Variants in HNRNPK observed in about 807,000 individuals in gnomAD.
HNRNPK encodes heterogeneous nuclear ribonucleoprotein K.
Under a neutral mutation model 67.0 loss-of-function variants are expected in HNRNPK, and 7 were observed. The observed-to-expected ratio is 0.10, with a 90% confidence interval of 0.06 to 0.20. The LOEUF is 0.20. HNRNPK is among the 10% of genes least tolerant of loss of function. The probability of loss-of-function intolerance (pLI) is 1.00; values close to 1 mark genes in which losing one functional copy is unlikely to be tolerated. For missense variants in HNRNPK, 264 were observed against 606.5 expected (o/e 0.44, Z 5.93); for synonymous variants, 213 against 193.7 (o/e 1.10, Z -0.83).
intron 16 of HNRNPK, 153 bp from the exon 17 acceptor site, chr9:83,969,593 AATGTT>A: frequency 3.1e-6 from 2 of 639,036 alleles, no homozygotes; most frequent in Non-Finnish European, 2.8e-6. Flanking sequence ...AAATTAAAGC[AATGTT>A]AAGTGTCAAG....
At chr9:83,970,133 A>C in intron 16 of HNRNPK, 29 bp downstream of exon 16, 2 of 1,579,808 alleles carry the variant, frequency 1.3e-6, no homozygotes, top group Non-Finnish European at 1.7e-6. Flanking sequence ...AGTATGTATA[A>C]GCTAACACAA....
At chr9:83,972,248 A>C in intron 10 of HNRNPK, 59 bp from the exon 11 acceptor site, 2 of 1,256,374 alleles carry the variant, frequency 1.6e-6, no homozygotes, top group Non-Finnish European at 2.2e-6. Context: ...GCTTCATACC[A>C]ATCCTTCTAA....
chr9:83,979,839 AAG>A (rs1468122566), intron 1 of HNRNPK, among the ~76,000 whole-genome samples: 7 of 152,080 alleles, frequency 4.6e-5, no homozygotes, highest in African/African-American at 1.7e-4. Flanking sequence ...GGCTCACACA[AAG>A]AGAGCGGCGG....
At chr9:83,980,457 C>T (rs944143400), upstream of HNRNPK, 9 of 152,774 alleles carry the variant, frequency 5.9e-5, no homozygotes, top group Non-Finnish European at 8.8e-5. Flanking sequence ...GGAGCCCCAA[C>T]CCTTACCCGA....
rs1957137452 is a variant in HNRNPK, at chr9:83,977,779, G to A, written c.66C>T (p.Arg22=). 5 of 1,595,648 alleles carry A rather than the reference G, an allele frequency of 3.1e-6. No homozygotes were observed. Among genetic ancestry groups the A allele is most frequent in the Non-Finnish European group, 4.3e-6 (5 of 1,164,864 alleles). Residue 22 remains arginine, a synonymous_variant, in exon 4 of 17, where the codon CGC becomes CGT. Transcript: ENST00000376263. Reference sequence around the variant, plus strand: ...GTTCCTCTTCCATATCTTCTGCAGGGCGTTTACCTAAAAATTAACAGTTCA... The same window carrying A: ...GTTCCTCTTCCATATCTTCTGCAGGACGTTTACCTAAAAATTAACAGTTCA... ...NTETNGEFGK[R]PAEDMEEEQA...
chr9:83,969,701 G>A (rs1224712438), intron 16 of HNRNPK: 5 of 614,488 alleles, frequency 8.1e-6, no homozygotes, highest in South Asian at 1.7e-5. Flanking sequence ...GACAAAGAAT[G>A]CTAGTAAGGT....
chr9:83,972,388 A>T, intron 10 of HNRNPK, 199 bp from the exon 11 acceptor site: 1 of 566,016 alleles, frequency 1.8e-6, no homozygotes. Flanking sequence ...GGCAAATGCT[A>T]AACAAAAGTG....
chr9:83,977,859 C>T, intron 3 of HNRNPK, 73 bp from the exon 4 acceptor site: 1 of 935,642 alleles, frequency 1.1e-6, no homozygotes, highest in Non-Finnish European at 1.7e-6. Context: ...TTTCAAGAGA[C>T]TTGTTGCTAA....
rs1420815564 is a variant in HNRNPK, at chr9:83,977,040, T to C, written c.168A>G (p.Ala56=). 1.2e-6 allele frequency: 2 copies of C among 1,611,078 alleles called. No homozygotes were observed. Among genetic ancestry groups the C allele is most frequent in the Non-Finnish European group, 1.7e-6 (2 of 1,177,256 alleles). Residue 56 remains alanine, a synonymous_variant, in exon 5 of 17, where the codon GCA becomes GCG. Transcript: ENST00000376263. ...RILLQSKNAG[A]VIGKGGKNIK... Reference sequence around the variant, plus strand: ...TATTCTTGCCTCCTTTTCCAATCACTGCCCCAGCATTCTGGAGAAGATACA... The same window carrying C: ...TATTCTTGCCTCCTTTTCCAATCACCGCCCCAGCATTCTGGAGAAGATACA...
chr9:83,975,256 A>T (rs1235932873), intron 6 of HNRNPK, among the ~76,000 whole-genome samples: 1 of 152,214 alleles, frequency 6.6e-6, no homozygotes, highest in African/African-American at 2.4e-5. Context: ...TGCTCCTTCC[A>T]TCGAAATAAA....
intron 10 of HNRNPK, chr9:83,972,394 A>T (rs1398770563): frequency 1.8e-6 from 1 of 558,304 alleles, no homozygotes; most frequent in Non-Finnish European, 3.1e-6. Flanking sequence ...TGCTAAACAA[A>T]AGTGAGTTCT....
Position 83,968,407 on chromosome 9 carries a change from A to G in HNRNPK, c.*1000T>C, listed in dbSNP as rs189989209. ...ATATATATTTTACAAAGTTTAACTAATAAGACACTAGAGCAAATTGACAGT... is the reference window on the plus strand; with the variant it reads ...ATATATATTTTACAAAGTTTAACTAGTAAGACACTAGAGCAAATTGACAGT... On this transcript the variant is annotated 3_prime_UTR_variant, in exon 17 of 17. Coordinates refer to ENST00000376263, the MANE Select transcript of HNRNPK (RefSeq NM_031263.4). 6.6e-6 allele frequency: 1 copy of G among 152,614 alleles called. No homozygotes were observed. Among genetic ancestry groups the G allele is most frequent in the African/African-American group, 2.4e-5 (1 of 41,432 alleles). The allele number at this position is 152,614 out of a possible 1,614,324, so 9.5% of individuals were successfully genotyped here. A position where few individuals can be genotyped will look rare whatever the true frequency, so the allele number is the denominator to read the frequency against.
chr9:83,972,231 G>C lies in HNRNPK; in HGVS notation c.646-42C>G, dbSNP rs774895286. 1.8e-5 allele frequency: 26 copies of C among 1,434,056 alleles called. No individual in the cohort carries two copies. In the East Asian group the frequency reaches 5.7e-4, roughly 32 times the overall value. 88.8% of individuals were successfully genotyped at this position (1,434,056 alleles called of 1,614,324 possible). A position where few individuals can be genotyped will look rare whatever the true frequency, so the allele number is the denominator to read the frequency against. ...AACAAACTTACAGACTGAAGAAAAA[G>C]AGTCCTGCTTCATACCAATCCTTCT... On this transcript the variant is annotated intron_variant, in intron 10 of 16. Transcript: ENST00000376263.
At chr9:83,971,779 C>A in intron 11 of HNRNPK, 53 bp from the exon 12 acceptor site, 3 of 1,597,356 alleles carry the variant, frequency 1.9e-6, no homozygotes, top group Non-Finnish European at 2.6e-6. Context: ...CCACACATAT[C>A]AAATCAAAGT....
In HNRNPK at chr9:83,972,166, C is replaced by G. The variant is rs1343633196; in HGVS notation, c.669G>C (p.Gln223His). 1 of 1,606,392 alleles carries G rather than the reference C, an allele frequency of 6.2e-7. No homozygotes were observed. Among genetic ancestry groups the G allele is most frequent in the Non-Finnish European group, 8.5e-7 (1 of 1,175,940 alleles). The change falls in exon 11 of 17, where the codon CAG becomes CAC. Residue 223 changes from glutamine (Q) to histidine (H), a missense_variant. Around this residue, in one of 6 missense-constraint regions of HNRNPK, gnomAD observed 142 missense variants for 256.5 expected, o/e 0.55. Transcript: ENST00000376263. ...CATCGTAAAAATTGGGATCATAAGG[C>G]TGTGCACGTCCTTTGATGGGAGACT... ...ISESPIKGRAQPYDPNFYDET... is the reference protein window; with the variant it reads ...ISESPIKGRAHPYDPNFYDET...
chr9:83,972,178 T>C lies in HNRNPK; in HGVS notation c.657A>G (p.Lys219=). 3.8e-6 allele frequency: 6 copies of C among 1,592,846 alleles called. No individual in the cohort carries two copies. The highest frequency in any genetic ancestry group is 4.3e-6 in the Non-Finnish European group (5 of 1,169,018). Residue 219 remains lysine, a synonymous_variant, in exon 11 of 17, where the codon AAA becomes AAG. Coordinates refer to ENST00000376263, the MANE Select transcript of HNRNPK (RefSeq NM_031263.4). Reference sequence around the variant, plus strand: ...TGGGATCATAAGGCTGTGCACGTCCTTTGATGGGAGACTAAAAACAGAGAT... The same window carrying C: ...TGGGATCATAAGGCTGTGCACGTCCCTTGATGGGAGACTAAAAACAGAGAT... ...ILDLISESPI[K]GRAQPYDPNF...
At position 83,969,207 on chromosome 9, in the gene HNRNPK, A is replaced by G. The variant is rs1260236652; in HGVS notation, c.*200T>C. On this transcript the variant is annotated 3_prime_UTR_variant, in exon 17 of 17. Transcript: ENST00000376263. ...CCCCCCCCAACCCTGTTTGTAAGGAACTAAAACATTACATCTGGTGAACAG... is the reference window on the plus strand; with the variant it reads ...CCCCCCCCAACCCTGTTTGTAAGGAGCTAAAACATTACATCTGGTGAACAG... 1.1e-5 allele frequency: 7 copies of G among 634,016 alleles called. No individual in the cohort carries two copies. The highest frequency in any genetic ancestry group is 1.8e-5 in the African/African-American group (1 of 54,602). 39.3% of individuals were successfully genotyped at this position (634,016 alleles called of 1,614,324 possible).
rs1956773360 is a variant in HNRNPK, at chr9:83,970,426, T to C, written c.1192-95A>G. ...GCATGAAGTTATTAATTTTATTCAT[T>C]CAGAATCTTAACTGATGATCTAACG... On this transcript the variant is annotated intron_variant, in intron 15 of 16. Transcript: ENST00000376263. 3 of 1,002,704 alleles carry C rather than the reference T, an allele frequency of 3.0e-6. No homozygotes were observed. The Admixed American group carries it at 7.3e-5, about 24-fold the overall frequency. The allele number at this position is 1,002,704 out of a possible 1,614,324, so 62.1% of individuals were successfully genotyped here.
rs1213081156 is a variant in HNRNPK, at chr9:83,972,067, C to A, written c.768G>T (p.Arg256=). 6.2e-7 allele frequency: 1 copy of A among 1,613,854 alleles called. No individual in the cohort carries two copies. Reference sequence around the variant, plus strand: ...GCATTCTGTCAAAACCACCTCTTCCCCGCATGGGAAATCCCACTGGGCGTC... The same window carrying A: ...GCATTCTGTCAAAACCACCTCTTCCACGCATGGGAAATCCCACTGGGCGTC... ...RRGRPVGFPM[R]GRGGFDRMPP... is the part of the protein sequence containing the mutation. Residue 256 remains arginine (R), a synonymous_variant, in exon 11 of 17, where the codon CGG becomes CGT. Coordinates refer to ENST00000376263, the MANE Select transcript of HNRNPK (RefSeq NM_031263.4).
Sources: allele counts gnomAD v4.1 joint callset (sites outside exome capture counted in the v4.1 genomes callset), GRCh38; gene constraint gnomAD v4.1.1; regional missense constraint gnomAD v4.1.1; transcripts MANE v1.5; gene names NCBI Gene and HGNC (gene_info 2026-07-23, HGNC 2026-07-21).